WDR70: variants seen among roughly 807,000 people sequenced by gnomAD.
WDR70 encodes the protein WD repeat-containing protein 70.
In WDR70, 53 loss-of-function variants were observed where a neutral mutation model predicts 88.6. The observed-to-expected ratio is 0.60, with a 90% CI of 0.48 to 0.75. The LOEUF (loss-of-function observed/expected upper bound fraction) is 0.75. Ranked by LOEUF, WDR70 falls within the 30% of genes least tolerant of loss-of-function variation. The probability of loss-of-function intolerance (pLI) is 0.00; values close to 1 mark genes in which losing one functional copy is unlikely to be tolerated. For synonymous variants in WDR70, 280 were observed against 270.0 expected, an observed-to-expected ratio of 1.04 and a Z score of -0.36; for missense variants, 610 against 823.2, an observed-to-expected ratio of 0.74 and a Z score of 3.17.
chr5:37,602,068 G>A (rs1182090951), intron 9 of WDR70, among the ~76,000 whole-genome samples: 7 of 151,432 alleles, frequency 4.6e-5, no homozygotes, highest in Admixed American at 6.6e-5. Context: ...GGGGCCTGTC[G>A]GGGGGTGGGA....
chr5:37,470,875 G>A (rs1260727741), intron 7 of WDR70, among the ~76,000 whole-genome samples: 2 of 148,400 alleles, frequency 1.3e-5, no homozygotes, highest in Non-Finnish European at 3.0e-5. Flanking sequence ...CATACATTCT[G>A]CATTAGCAAG....
intron 13 of WDR70, among the ~76,000 whole-genome samples, chr5:37,720,865 C>T (rs796874928): frequency 4.6e-5 from 7 of 152,052 alleles, no homozygotes; most frequent in African/African-American, 1.7e-4. Flanking sequence ...TCAGGGCTGT[C>T]CAGAAAGGGA....
intron 7 of WDR70, among the ~76,000 whole-genome samples, chr5:37,468,463 C>T (rs1581309524): frequency 6.6e-6 from 1 of 151,898 alleles, no homozygotes; most frequent in South Asian, 2.1e-4. Context: ...CATTTTATTT[C>T]ACATATTGAC....
chr5:37,604,592 A>G (rs1743977461), intron 9 of WDR70, among the ~76,000 whole-genome samples: 1 of 152,182 alleles, frequency 6.6e-6, no homozygotes, highest in Admixed American at 6.5e-5. Flanking sequence ...GGGGAATGAG[A>G]TCTTTGCTTG....
At chr5:37,681,921 T>G (rs992632916) in intron 10 of WDR70, among the ~76,000 whole-genome samples, 1 of 152,150 alleles carries the variant, frequency 6.6e-6, no homozygotes, top group African/African-American at 2.4e-5. Flanking sequence ...CAGATTTTGG[T>G]GTCAAGATGA....
rs1221596119 is a variant in WDR70, at chr5:37,451,535, G to A, written c.686+8163G>A. On this transcript the variant is annotated intron_variant, in intron 7 of 17. Transcript: ENST00000265107. Reference sequence around the variant, plus strand: ...CACGTGGCTAGGTAGCTGCTGTATTGGATAGTGCATATCTTGAGCCTCCCT... The same window carrying A: ...CACGTGGCTAGGTAGCTGCTGTATTAGATAGTGCATATCTTGAGCCTCCCT... Among the ~76,000 whole-genome samples the A allele has an allele frequency of 2.0e-5, 3 of 152,168 alleles. No homozygotes were observed. In the East Asian group the frequency reaches 5.8e-4, roughly 29 times the overall value.
At chr5:37,699,870 C>A (rs1205828414) in intron 11 of WDR70, among the ~76,000 whole-genome samples, 13 of 151,740 alleles carry the variant, frequency 8.6e-5, no homozygotes. Context: ...ATCACTTGAA[C>A]CTGGAGGCTG....
intron 10 of WDR70, among the ~76,000 whole-genome samples, chr5:37,618,227 TTAATA>T (rs1237953977): frequency 6.6e-6 from 1 of 152,242 alleles, no homozygotes; most frequent in Non-Finnish European, 1.5e-5. Flanking sequence ...AAGCAAGCAG[TTAATA>T]TAATCTTATA....
chr5:37,426,791 G>T (rs1411204673), intron 5 of WDR70, among the ~76,000 whole-genome samples: 2 of 98,654 alleles, frequency 2.0e-5, no homozygotes, highest in African/African-American at 5.4e-5. Flanking sequence ...GCCTAATCTA[G>T]GTTCTTTTTT....
rs1747787624 is a variant in WDR70, at chr5:37,720,807, A to G, written c.1417-308A>G. On this transcript the variant is annotated intron_variant, in intron 13 of 17. Coordinates refer to ENST00000265107, the MANE Select transcript of WDR70 (RefSeq NM_018034.4). ...AGTTATGTGGATTTAGCATTCCATG[A>G]TGCCAGCCTCACGTGGTAATGGACC... Among the ~76,000 whole-genome samples, 5 of 152,204 alleles carry G rather than the reference A, an allele frequency of 3.3e-5. 1 individual carries two copies. Among genetic ancestry groups the G allele is most frequent in the Admixed American group, 3.3e-4 (5 of 15,280 alleles).
intron 5 of WDR70, among the ~76,000 whole-genome samples, chr5:37,406,245 A>G (rs1275888707): frequency 6.6e-6 from 1 of 152,164 alleles, no homozygotes; most frequent in Non-Finnish European, 1.5e-5. Flanking sequence ...TCTCTGATCC[A>G]TTAAGTCTTA....
chr5:37,643,269 C>T (rs903965179), intron 10 of WDR70, among the ~76,000 whole-genome samples: 1 of 151,956 alleles, frequency 6.6e-6, no homozygotes, highest in Admixed American at 6.6e-5. Flanking sequence ...ACTCTTGGCA[C>T]CTTTGTCAGA....
intron 9 of WDR70, among the ~76,000 whole-genome samples, chr5:37,558,356 T>C (rs2112368079): frequency 6.6e-6 from 1 of 152,294 alleles, no homozygotes; most frequent in South Asian, 2.1e-4. Flanking sequence ...TTTGCTCTGG[T>C]TGCCCAGTCT....
At chr5:37,734,631 T>C (rs1040555614) in intron 17 of WDR70, among the ~76,000 whole-genome samples, 2 of 152,080 alleles carry the variant, frequency 1.3e-5, no homozygotes, top group Admixed American at 6.6e-5. Context: ...AAGGGGGACA[T>C]AGAGTAATCA....
intron 5 of WDR70, among the ~76,000 whole-genome samples, chr5:37,397,046 G>A (rs1215152558): frequency 6.6e-6 from 1 of 152,164 alleles, no homozygotes; most frequent in African/African-American, 2.4e-5. Flanking sequence ...GGAGGCTGAG[G>A]TGGGAGGATA....
chr5:37,704,637 A>G (rs1352051464), intron 13 of WDR70, among the ~76,000 whole-genome samples: 6 of 152,230 alleles, frequency 3.9e-5, no homozygotes, highest in Admixed American at 3.9e-4. Context: ...TAAGTCACAC[A>G]GGGCGGAAAC....
rs1376898537 is a variant in WDR70 at position 37,693,022 on chromosome 5, G to A, written c.1093-4633G>A. 3.9e-5 allele frequency among the ~76,000 whole-genome samples: 6 copies of A among 152,008 alleles called. No homozygotes were observed. The East Asian group carries it at 7.7e-4, about 20-fold the overall frequency. ...TGATAAGCAACTTCAGCAAACTCTC[G>A]GGATACAAAATCCATGTGAAAAAAT... On this transcript the variant is annotated intron_variant, in intron 10 of 17. Coordinates refer to ENST00000265107, the MANE Select transcript of WDR70 (RefSeq NM_018034.4).
chr5:37,638,831 CTG>C (rs898032676), intron 10 of WDR70, among the ~76,000 whole-genome samples: 1 of 152,166 alleles, frequency 6.6e-6, no homozygotes, highest in Non-Finnish European at 1.5e-5. Context: ...AAAGTAATAA[CTG>C]ACACCTCAGA....
intron 9 of WDR70, among the ~76,000 whole-genome samples, chr5:37,552,936 GAC>G (rs1019193351): frequency 1.3e-5 from 2 of 152,194 alleles, no homozygotes; most frequent in Admixed American, 1.3e-4. Context: ...ATTGTCAAGA[GAC>G]ACAGATTCTA....
Sources: gnomAD v4.1 joint callset for allele counts (sites outside exome capture counted in the v4.1 genomes callset) on GRCh38, gnomAD v4.1.1 for gene constraint, MANE v1.5 for transcripts, NCBI Gene and HGNC (gene_info 2026-07-23, HGNC 2026-07-21) for gene names.